The following THSD7B variants were observed in gnomAD, a reference collection of about 807,000 sequenced individuals.
THSD7B encodes thrombospondin type-1 domain-containing protein 7B.
In THSD7B, 138 loss-of-function variants were observed where a neutral mutation model predicts 213.6. The ratio of observed to expected loss-of-function variants is 0.65; its 90% CI spans 0.56 to 0.74. The LOEUF is 0.74. Ranked by LOEUF, THSD7B falls within the 30% of genes least tolerant of loss-of-function variation. The pLI is 0.00. For synonymous variants in THSD7B, 742 were observed against 687.0 expected, an observed-to-expected ratio of 1.08 and a Z score of -1.25; for missense variants, 1,931 against 1,991.5, an observed-to-expected ratio of 0.97 and a Z score of 0.58.
chr2:136,832,356 G>T (rs769008019), intron 1 of THSD7B, among the ~76,000 whole-genome samples: 3 of 152,084 alleles, frequency 2.0e-5, no homozygotes, highest in East Asian at 1.9e-4. Flanking sequence ...GAACCAGGGG[G>T]GTGGATGGTT....
chr2:136,811,122 C>T (rs1048445663), intron 1 of THSD7B, among the ~76,000 whole-genome samples: 2 of 152,210 alleles, frequency 1.3e-5, no homozygotes, highest in African/African-American at 4.8e-5. Flanking sequence ...CCAGGCTCTA[C>T]ACAGGAATGG....
At chr2:137,404,815 A>C (rs1040762566) in intron 12 of THSD7B, among the ~76,000 whole-genome samples, 1 of 151,908 alleles carries the variant, frequency 6.6e-6, no homozygotes, top group Admixed American at 6.6e-5. Flanking sequence ...TGAGGATGCA[A>C]AGGCATAAGA....
intron 20 of THSD7B, among the ~76,000 whole-genome samples, chr2:137,637,487 C>T (rs1481373150): frequency 2.6e-5 from 4 of 152,168 alleles, no homozygotes; most frequent in South Asian, 2.1e-4. Context: ...ACACAAAATA[C>T]ATCAAAATGC....
rs539720991 is a variant in THSD7B at position 137,265,526 on chromosome 2, G to A, written c.2267-7007G>A. On this transcript the variant is annotated intron_variant, in intron 10 of 27. Transcript: ENST00000409968. ...AGACACATGCACACGTATGTTTATT[G>A]CGGCATTATTCACAATAGCAAAGAC... Among the ~76,000 whole-genome samples, 3 of 152,246 alleles carry A rather than the reference G, an allele frequency of 2.0e-5. No homozygotes were observed. In the South Asian group the frequency reaches 6.2e-4, roughly 32 times the overall value.
At chr2:137,325,942 A>G (rs1055650903) in intron 12 of THSD7B, among the ~76,000 whole-genome samples, 1 of 152,228 alleles carries the variant, frequency 6.6e-6, no homozygotes, top group Admixed American at 6.5e-5. Flanking sequence ...GAAAAGAGAC[A>G]TATCTTCCCA....
chr2:137,604,073 T>C (rs890516755), intron 17 of THSD7B, among the ~76,000 whole-genome samples: 20 of 152,090 alleles, frequency 1.3e-4, no homozygotes, highest in African/African-American at 4.3e-4. Flanking sequence ...CCAGCCTGCC[T>C]GGGTGACAGA....
chr2:137,518,845 C>A (rs896027639), intron 15 of THSD7B, among the ~76,000 whole-genome samples: 1 of 152,196 alleles, frequency 6.6e-6, no homozygotes, highest in African/African-American at 2.4e-5. Flanking sequence ...CAACACTGAG[C>A]CTTCGATATG....
At chr2:137,089,266 G>GTACGTATATATACATATATA (rs1687901484) in intron 3 of THSD7B, among the ~76,000 whole-genome samples, 2 of 130,004 alleles carry the variant, frequency 1.5e-5, no homozygotes, top group African/African-American at 7.9e-5. Flanking sequence ...GTGTGTGTGT[G>GTACGTATATATACATATATA]TGTGTGTGTA....
chr2:137,587,835 C>T (rs1681772678), intron 17 of THSD7B, among the ~76,000 whole-genome samples: 1 of 152,208 alleles, frequency 6.6e-6, no homozygotes, highest in Non-Finnish European at 1.5e-5. Flanking sequence ...AAACTCCATG[C>T]TGGGAGAACC....
intron 15 of THSD7B, among the ~76,000 whole-genome samples, chr2:137,534,018 G>A (rs201524704): frequency 0.036 from 4,132 of 113,488 alleles, 98 homozygotes; most frequent in Admixed American, 0.096. Flanking sequence ...GTGTGTGCGC[G>A]CACACACACA....
intron 2 of THSD7B, among the ~76,000 whole-genome samples, chr2:136,961,045 C>T (rs1305802611): frequency 3.1e-5 from 4 of 129,140 alleles, no homozygotes; most frequent in Non-Finnish European, 4.7e-5. Context: ...GCCAAGACCG[C>T]GCCACTGCAC....
Position 137,060,399 on chromosome 2 carries a change from CT to C in THSD7B, c.950+3179del, listed in dbSNP as rs34446833. Among the ~76,000 whole-genome samples, 585 of 146,510 alleles carry C rather than the reference CT, an allele frequency of 4.0e-3. 8 individuals carry two copies. In the East Asian group the frequency reaches 0.044, roughly 11 times the overall value. ...AACTTCTCAATATTTTTTCAAGGAT[CT>C]TTTTTTTTTGGTGTTGTTTAAAAAT... is the stretch of plus-strand genomic sequence containing the variant. On this transcript the variant is annotated intron_variant, in intron 3 of 27. Transcript: ENST00000409968.
intron 20 of THSD7B, among the ~76,000 whole-genome samples, chr2:137,626,769 T>C (rs1371168798): frequency 2.0e-5 from 3 of 152,186 alleles, no homozygotes; most frequent in African/African-American, 7.2e-5. Flanking sequence ...TATGCTATTC[T>C]TTTAAGTTCT....
intron 15 of THSD7B, among the ~76,000 whole-genome samples, chr2:137,486,869 T>A (rs905773701): frequency 1.8e-4 from 27 of 152,228 alleles, no homozygotes; most frequent in African/African-American, 6.3e-4. Context: ...ACATGGAAAC[T>A]GAACAACCTG....
At chr2:137,219,923 GTTAC>G (rs1349945023) in intron 7 of THSD7B, among the ~76,000 whole-genome samples, 1 of 152,138 alleles carries the variant, frequency 6.6e-6, no homozygotes, top group Non-Finnish European at 1.5e-5. Flanking sequence ...ACTCTCAGTT[GTTAC>G]TTCAGTAAAC....
intron 4 of THSD7B, among the ~76,000 whole-genome samples, chr2:137,099,808 A>G (rs1169069889): frequency 5.3e-5 from 8 of 152,222 alleles, no homozygotes; most frequent in Admixed American, 5.2e-4. Context: ...AGTTTTTGTG[A>G]TATTACTACA....
At chr2:136,899,687 A>G (rs932617874) in intron 2 of THSD7B, among the ~76,000 whole-genome samples, 2 of 152,216 alleles carry the variant, frequency 1.3e-5, no homozygotes, top group African/African-American at 2.4e-5. Context: ...ATTATACATA[A>G]CTGGGCATTC....
intron 15 of THSD7B, among the ~76,000 whole-genome samples, chr2:137,494,505 T>C (rs1679514479): frequency 6.6e-6 from 1 of 152,190 alleles, no homozygotes; most frequent in Non-Finnish European, 1.5e-5. Flanking sequence ...TGTGATCATG[T>C]GACACATGGA....
chr2:136,914,401 T>A (rs1684317333), intron 2 of THSD7B, among the ~76,000 whole-genome samples: 2 of 152,174 alleles, frequency 1.3e-5, no homozygotes, highest in Admixed American at 1.3e-4. Context: ...TTTGGCAGAC[T>A]GTTGGGAAGG....
Sources: gnomAD v4.1 joint callset for allele counts (sites outside exome capture counted in the v4.1 genomes callset) on GRCh38, gnomAD v4.1.1 for gene constraint, MANE v1.5 for transcripts, NCBI Gene and HGNC (gene_info 2026-07-23, HGNC 2026-07-21) for gene names.